Variants in CLCNKB observed in about 807,000 individuals in gnomAD.
The protein encoded by CLCNKB is chloride channel protein ClC-Kb.
CLCNKB carries 74 observed loss-of-function variants against 83.8 expected under a neutral mutation model. The ratio of observed to expected loss-of-function variants is 0.88; its 90% CI spans 0.73 to 1.07. The LOEUF (loss-of-function observed/expected upper bound fraction) is 1.07, where lower values mean the gene tolerates loss of function less well. CLCNKB is among the 50% of genes least tolerant of loss of function. The probability of loss-of-function intolerance (pLI) is 0.00; values close to 1 mark genes in which losing one functional copy is unlikely to be tolerated. For synonymous variants in CLCNKB, 358 were observed against 356.6 expected (o/e 1.00, Z -0.04); for missense variants, 798 against 893.6 (o/e 0.89, Z 1.36).
At chr1:16,048,702 C>T in intron 7 of CLCNKB, 120 bp downstream of exon 7, 1 of 1,522,588 alleles carries the variant, frequency 6.6e-7, no homozygotes, top group Non-Finnish European at 8.9e-7. Flanking sequence ...GTTCTCACTT[C>T]AGCCCCGCCT....
intron 18 of CLCNKB, 136 bp downstream of exon 18, chr1:16,055,894 G>C (rs1300069558): frequency 3.7e-6 from 3 of 810,120 alleles, no homozygotes; most frequent in Non-Finnish European, 6.2e-6. Context: ...TCCTGGGCCA[G>C]TGTCCTCATC....
At position 16,047,934 on chromosome 1, in the gene CLCNKB, T is replaced by C; in HGVS notation, c.388T>C (p.Leu130=). The stretch of plus-strand genomic sequence containing the variant: ...TGGAATCCCGGAGGTGAAGACCATG[T>C]TGGCGGGTGTGGTCTTGGAGGACTA... ...GSGIPEVKTM[L]AGVVLEDYLD... is the part of the protein sequence containing the mutation. Residue 130 remains leucine (L), a synonymous_variant, in exon 5 of 20, where the codon TTG becomes CTG. Coordinates refer to ENST00000375679, the MANE Select transcript of CLCNKB (RefSeq NM_000085.5). The C allele has an allele frequency of 6.2e-7, 1 of 1,614,010 alleles. No individual in the cohort carries two copies. Among genetic ancestry groups the C allele is most frequent in the Non-Finnish European group, 8.5e-7 (1 of 1,180,016 alleles).
rs757241954 is a variant in CLCNKB, at chr1:16,045,666, C to A, written c.209C>A (p.Ala70Asp). ...CTGGTCAGCTGTGCCATGGACTTGG[C>A]TGTTGAGAGTGTGGTCCGAGGTAAC... is the stretch of plus-strand genomic sequence containing the variant. ...MALVSCAMDL[A>D]VESVVRAHQW... Residue 70 changes from alanine (A) to aspartate (D), a missense_variant, in exon 3 of 20, where the codon GCT (alanine) becomes GAT (aspartate). Coordinates refer to ENST00000375679, the MANE Select transcript of CLCNKB (RefSeq NM_000085.5). 2 of 1,613,074 alleles carry A rather than the reference C, an allele frequency of 1.2e-6. No individual in the cohort carries two copies. The highest frequency in any genetic ancestry group is 1.1e-5 in the South Asian group (1 of 91,078).
chr1:16,053,887 G>A (rs558560283), intron 16 of CLCNKB, 115 bp downstream of exon 16: 50 of 1,390,704 alleles, frequency 3.6e-5, no homozygotes, highest in Middle Eastern at 2.4e-4. Context: ...GCAACCAACC[G>A]TGTGACCTTG....
At position 16,049,250 on chromosome 1, in the gene CLCNKB, G is replaced by A. The variant is rs2023204025; in HGVS notation, c.781+5G>A. On this transcript the variant is annotated splice_donor_5th_base_variant and intron_variant, in intron 8 of 19. Transcript: ENST00000375679. ...CGGTCTTCAACAGCGAGCAGGGTGA[G>A]CCCCCTGGGCTGCCTGACCCTGGCC... is the stretch of plus-strand genomic sequence containing the variant. 4 of 1,613,266 alleles carry A rather than the reference G, an allele frequency of 2.5e-6. No homozygotes were observed. The highest frequency in any genetic ancestry group is 1.7e-4 in the Middle Eastern group (1 of 6,034).
chr1:16,048,746 G>C lies in CLCNKB; in HGVS notation c.655+164G>C, dbSNP rs1229775323. On this transcript the variant is annotated intron_variant, in intron 7 of 19. Coordinates refer to ENST00000375679, the MANE Select transcript of CLCNKB (RefSeq NM_000085.5). ...GCCACCGCCCCCCACCGGGGGGAGGGGGGGCGGGTGACTTGATTGGCGGTG... is the reference window on the plus strand; with the variant it reads ...GCCACCGCCCCCCACCGGGGGGAGGCGGGGCGGGTGACTTGATTGGCGGTG... The C allele has an allele frequency of 1.9e-5, 28 of 1,476,214 alleles. 1 individual carries two copies. Among genetic ancestry groups the C allele is most frequent in the African/African-American group, 2.8e-5 (2 of 70,412 alleles). 91.4% of individuals were successfully genotyped at this position (1,476,214 alleles called of 1,614,324 possible). A position where few individuals can be genotyped will look rare whatever the true frequency, so the allele number is the denominator to read the frequency against.
chr1:16,044,375 A>ACACACACACACG, intron 1 of CLCNKB, 111 bp from the exon 2 acceptor site: 2 of 812,922 alleles, frequency 2.5e-6, no homozygotes, highest in South Asian at 1.5e-5. Flanking sequence ...ACACACACAC[A>ACACACACACACG]CACGCACAAT....
Position 16,049,810 on chromosome 1 carries a change from C to G in CLCNKB, c.867-5C>G. ...GCTCTGGGCTCATGTCTCCATGCTCCCCAGGGGTCTCTGTGGCATCCTGGG... is the reference window on the plus strand; with the variant it reads ...GCTCTGGGCTCATGTCTCCATGCTCGCCAGGGGTCTCTGTGGCATCCTGGG... On this transcript the variant is annotated splice_polypyrimidine_tract_variant and splice_region_variant and intron_variant, in intron 9 of 19. Coordinates refer to ENST00000375679, the MANE Select transcript of CLCNKB (RefSeq NM_000085.5). 1 of 1,613,848 alleles carries G rather than the reference C, an allele frequency of 6.2e-7. No homozygotes were observed. Among genetic ancestry groups the G allele is most frequent in the Non-Finnish European group, 8.5e-7 (1 of 1,179,884 alleles).
chr1:16,044,415 G>T, intron 1 of CLCNKB, 71 bp from the exon 2 acceptor site: 1 of 1,262,864 alleles, frequency 7.9e-7, no homozygotes, highest in Non-Finnish European at 1.1e-6. Context: ...GGAGAGCACT[G>T]GAAGGGCCTA....
chr1:16,045,717 G>A, intron 3 of CLCNKB, 31 bp downstream of exon 3: 4 of 1,566,392 alleles, frequency 2.6e-6, no homozygotes, highest in Non-Finnish European at 3.5e-6. Context: ...GCTGCTCTGG[G>A]CCAAGGGATT....
intron 12 of CLCNKB, 143 bp from the exon 13 acceptor site, chr1:16,051,335 C>T: frequency 2.6e-6 from 3 of 1,154,488 alleles, no homozygotes; most frequent in Non-Finnish European, 2.6e-6. Flanking sequence ...AGGACCCTCC[C>T]CTAATGCCAG....
In CLCNKB at chr1:16,049,195, C is replaced by T. The variant is rs1385714869; in HGVS notation, c.731C>T (p.Thr244Ile). 1.9e-6 allele frequency: 3 copies of T among 1,613,664 alleles called. No individual in the cohort carries two copies. The highest frequency in any genetic ancestry group is 2.5e-6 in the Non-Finnish European group (3 of 1,179,996). ...WDYWRGFFAA[T>I]CGAFMFRLLA... Reference sequence around the variant, plus strand: ...TACTGGAGGGGCTTCTTTGCGGCCACCTGCGGGGCCTTCATGTTCCGGCTC... The same window carrying T: ...TACTGGAGGGGCTTCTTTGCGGCCATCTGCGGGGCCTTCATGTTCCGGCTC... Residue 244 changes from threonine to isoleucine, a missense_variant, in exon 8 of 20, where the codon ACC (threonine) becomes ATC (isoleucine). Physicochemically the swap from Thr to Ile is moderately conservative, Grantham distance 89 (BLOSUM62 -1). Coordinates refer to ENST00000375679, the MANE Select transcript of CLCNKB (RefSeq NM_000085.5).
In CLCNKB at chr1:16,047,834, C is replaced by G. The variant is rs547853048; in HGVS notation, c.359-71C>G. ...TGGCGAGATCGTAATGTGAAAACAT[C>G]ACACAGGTAGAGTGTTGAGATTTTT... On this transcript the variant is annotated intron_variant, in intron 4 of 19. Transcript: ENST00000375679. The G allele has an allele frequency of 3.3e-6, 5 of 1,512,088 alleles. No homozygotes were observed. In the African/African-American group the frequency reaches 5.5e-5, roughly 17 times the overall value. 93.7% of individuals were successfully genotyped at this position (1,512,088 alleles called of 1,614,324 possible).
intron 2 of CLCNKB, 53 bp downstream of exon 2, chr1:16,044,645 TCCTGCCCAGCTCCCACCCCACCTC>T (rs1469184339): frequency 1.4e-6 from 2 of 1,449,880 alleles, no homozygotes; most frequent in East Asian, 4.9e-5. Context: ...AGGACATCAT[TCCTGCCCAGCTCCCACCCCACCTC>T]CCTGCCCAGG....
intron 4 of CLCNKB, 32 bp downstream of exon 4, chr1:16,046,695 T>A (rs906487651): frequency 6.5e-7 from 1 of 1,538,102 alleles, no homozygotes; most frequent in Admixed American, 2.0e-5. Context: ...CAGTCCCCAC[T>A]GGCCAAAACC....
In CLCNKB at chr1:16,057,020, C is replaced by T. The variant is rs12402924; in HGVS notation, c.*104C>T. On this transcript the variant is annotated 3_prime_UTR_variant, in exon 20 of 20. Transcript: ENST00000375679. The stretch of plus-strand genomic sequence containing the variant: ...CATCACCACCTGCCCCTCCCTCCAG[C>T]CCAGCTCCATTCTTTGGCATAACAG... The T allele has an allele frequency of 0.26, 270,440 of 1,050,672 alleles. 33,521 individuals carry two copies. Among genetic ancestry groups the T allele is most frequent in the Admixed American group, 0.39 (20,260 of 51,402 alleles). 65.1% of individuals were successfully genotyped at this position (1,050,672 alleles called of 1,614,324 possible). A position where few individuals can be genotyped will look rare whatever the true frequency, so the allele number is the denominator to read the frequency against.
In CLCNKB at chr1:16,044,512, T is replaced by C; in HGVS notation, c.20T>C (p.Leu7Pro). The C allele has an allele frequency of 6.2e-7, 1 of 1,605,092 alleles. No homozygotes were observed. Among genetic ancestry groups the C allele is most frequent in the Non-Finnish European group, 8.5e-7 (1 of 1,176,656 alleles). Residue 7 changes from leucine to proline, a missense_variant, in exon 2 of 20, where the codon CTG (leucine) becomes CCG (proline). Physicochemically the swap from Leu to Pro is moderately conservative, Grantham distance 98. Transcript: ENST00000375679. ...GGCCTGATGGAGGAGTTTGTGGGGC[T>C]GCGTGAAGGCTCCTCAGGGAACCCT... MEEFVGLREGSSGNPVT... is the reference protein window; with the variant it reads MEEFVGPREGSSGNPVT...
rs1036817879 is a variant in CLCNKB, at chr1:16,049,516, G to A, written c.782-102G>A. On this transcript the variant is annotated intron_variant, in intron 8 of 19. Coordinates refer to ENST00000375679, the MANE Select transcript of CLCNKB (RefSeq NM_000085.5). Reference sequence around the variant, plus strand: ...TGGAATGCCAGGACACAGATTCCGAGTCAGGACCTGGCACCCCCTCCACCC... The same window carrying A: ...TGGAATGCCAGGACACAGATTCCGAATCAGGACCTGGCACCCCCTCCACCC... The A allele has an allele frequency of 9.9e-6, 14 of 1,419,700 alleles. No homozygotes were observed. In the African/African-American group the frequency reaches 1.4e-4, roughly 14 times the overall value. 87.9% of individuals were successfully genotyped at this position (1,419,700 alleles called of 1,614,324 possible).
intron 2 of CLCNKB, 48 bp from the exon 3 acceptor site, chr1:16,045,510 C>T (rs778941895): frequency 6.8e-6 from 11 of 1,607,440 alleles, no homozygotes; most frequent in Non-Finnish European, 8.5e-6. Flanking sequence ...ATGGGACTGT[C>T]TGTGCCTCCT....
Sources: gnomAD v4.1 joint callset for allele counts on GRCh38, gnomAD v4.1.1 for gene constraint, MANE v1.5 for transcripts, NCBI Gene and HGNC (gene_info 2026-07-23, HGNC 2026-07-21) for gene names.